Variants in PRRC2C observed in about 807,000 individuals in gnomAD.
PRRC2C encodes proline rich coiled-coil 2C, also known as protein PRRC2C.
PRRC2C carries 72 observed loss-of-function variants against 317.2 expected under a neutral mutation model. The ratio of observed to expected loss-of-function variants is 0.23; its 90% CI spans 0.19 to 0.28. The LOEUF (loss-of-function observed/expected upper bound fraction) is 0.28. PRRC2C is among the 10% of genes least tolerant of loss of function. The pLI is 1.00. For synonymous variants in PRRC2C, 1,296 were observed against 1,205.9 expected (o/e 1.07, Z -1.55); for missense variants, 3,074 against 3,459.7 (o/e 0.89, Z 2.80).
intron 29 of PRRC2C, 25 bp downstream of exon 29, chr1:171,584,212 C>T (rs1182165664): frequency 1.3e-6 from 2 of 1,549,060 alleles, no homozygotes; most frequent in East Asian, 2.2e-5. Flanking sequence ...TAGAGCAATG[C>T]ACCCTCATTG....
At chr1:171,526,803 A>ATTTTTTTTTTTTT (rs1557918055) in intron 10 of PRRC2C, among the ~76,000 whole-genome samples, 9 of 85,790 alleles carry the variant, frequency 1.0e-4, no homozygotes, top group African/African-American at 2.4e-4. Flanking sequence ...TCAGAAATAT[A>ATTTTTTTTTTTTT]TCTTTTTTTT....
intron 30 of PRRC2C, among the ~76,000 whole-genome samples, chr1:171,586,074 T>TTTTTTTG (rs1421421262): frequency 7.9e-6 from 1 of 125,822 alleles, no homozygotes; most frequent in Admixed American, 7.9e-5. Flanking sequence ...TTTTTTTTTT[T>TTTTTTTG]TTTTTTTTTT....
chr1:171,533,770 C>T (rs533360254), intron 12 of PRRC2C, among the ~76,000 whole-genome samples: 4 of 152,220 alleles, frequency 2.6e-5, no homozygotes, highest in East Asian at 3.9e-4. Flanking sequence ...GCTACAGGCG[C>T]GTGCCACCGC....
intron 29 of PRRC2C, 79 bp from the exon 30 acceptor site, chr1:171,584,340 C>T: frequency 7.1e-7 from 1 of 1,400,206 alleles, no homozygotes; most frequent in Non-Finnish European, 9.7e-7. Context: ...CTAGACATTG[C>T]TTTGAAGTCA....
chr1:171,485,933 G>C (rs1180780971), intron 1 of PRRC2C, among the ~76,000 whole-genome samples, 198 bp downstream of exon 1: 3 of 152,020 alleles, frequency 2.0e-5, no homozygotes, highest in Non-Finnish European at 4.4e-5. Context: ...TCGGCCTCCA[G>C]CTTGGGGAGC....
intron 1 of PRRC2C, among the ~76,000 whole-genome samples, chr1:171,489,881 A>C (rs962037800): frequency 6.6e-6 from 1 of 152,142 alleles, no homozygotes; most frequent in Non-Finnish European, 1.5e-5. Flanking sequence ...TTTTTCTTCA[A>C]TTCAACTTGC....
At chr1:171,511,031 T>C (rs1218199454) in intron 1 of PRRC2C, 1 of 152,204 alleles carries the variant, frequency 6.6e-6, no homozygotes. Context: ...AAACGAAATT[T>C]ATAAAAGTAA....
At chr1:171,490,197 G>A (rs34621946) in intron 1 of PRRC2C, among the ~76,000 whole-genome samples, 2,536 of 152,280 alleles carry the variant, frequency 0.017, 33 homozygotes, top group Non-Finnish European at 0.027. Context: ...GATTACAGGC[G>A]TGAGCCACTG....
At chr1:171,526,763 A>AATCTTATG (rs1291648089) in intron 10 of PRRC2C, among the ~76,000 whole-genome samples, 1 of 150,646 alleles carries the variant, frequency 6.6e-6, no homozygotes, top group Non-Finnish European at 1.5e-5. Context: ...GATGTTTAGC[A>AATCTTATG]ATCTTATGGT....
intron 30 of PRRC2C, among the ~76,000 whole-genome samples, chr1:171,585,645 A>G (rs1427234526): frequency 1.3e-5 from 2 of 152,192 alleles, no homozygotes; most frequent in Non-Finnish European, 2.9e-5. Context: ...ACTTGTGAAT[A>G]CTGCTTATAT....
At chr1:171,507,975 C>G (rs1670565931) in intron 1 of PRRC2C, among the ~76,000 whole-genome samples, 1 of 152,100 alleles carries the variant, frequency 6.6e-6, no homozygotes, top group Non-Finnish European at 1.5e-5. Context: ...AGAAATGCAA[C>G]TGATTTTTTG....
At position 171,541,619 on chromosome 1, in the gene PRRC2C, C is replaced by T. The variant is rs1252170964; in HGVS notation, c.4153C>T (p.Pro1385Ser). ...GTGGAACCCAAGGCAGTCAGAAGTT[C>T]CTAAACCAGAAGATGGAGAGCCGCC... ...NQWNPRQSEV[P>S]KPEDGEPPRR... The change falls in exon 16 of 35, where the codon CCT becomes TCT. Residue 1385 changes from proline to serine, a missense_variant. This residue lies in a region of PRRC2C where 1,320 missense variants were observed against 1,395.7 expected (regional missense o/e 0.95). Transcript: ENST00000647382. This position sits in a 1 kb window ranked among gnomAD's most constrained non-coding sequence, Gnocchi z 4.1. 3 of 1,613,682 alleles carry T rather than the reference C, an allele frequency of 1.9e-6. 1 individual carries two copies. The South Asian group carries it at 3.3e-5, about 18-fold the overall frequency.
At chr1:171,579,333 G>T (rs1362538505) in intron 26 of PRRC2C, 21 bp from the exon 27 acceptor site, 1 of 1,604,934 alleles carries the variant, frequency 6.2e-7, no homozygotes, top group African/African-American at 1.3e-5. Context: ...ACTACTGCTT[G>T]TTTATCCTGA....
In PRRC2C at chr1:171,540,293, G is replaced by C. The variant is rs956695493; in HGVS notation, c.2827G>C (p.Glu943Gln). 3 of 1,613,738 alleles carry C rather than the reference G, an allele frequency of 1.9e-6. No homozygotes were observed. The Admixed American group carries it at 5.0e-5, about 27-fold the overall frequency. The change falls in exon 16 of 35, where the codon GAA becomes CAA. Residue 943 changes from glutamate to glutamine, a missense_variant. Physicochemically the swap from Glu to Gln is conservative, Grantham distance 29. Around this residue, in one of 11 missense-constraint regions of PRRC2C, gnomAD observed 1,320 missense variants for 1,395.7 expected, o/e 0.95. Coordinates refer to ENST00000647382, the MANE Select transcript of PRRC2C (RefSeq NM_001387844.1). ...HTQKPDEQRS[E>Q]PSAGIPKVTS... ...GCAAAAACCAGACGAGCAGAGAAGT[G>C]AACCATCTGCAGGCATTCCTAAAGT... is the stretch of plus-strand genomic sequence containing the variant.
At chr1:171,538,157 A>G in intron 15 of PRRC2C, among the ~76,000 whole-genome samples, 1 of 151,966 alleles carries the variant, frequency 6.6e-6, no homozygotes, top group East Asian at 1.9e-4. Context: ...TGTATTTTTT[A>G]TAGAGATGGG....
intron 6 of PRRC2C, among the ~76,000 whole-genome samples, chr1:171,518,486 TTTTTTCAA>T (rs1672838436): frequency 2.4e-5 from 2 of 81,868 alleles, no homozygotes; most frequent in Admixed American, 3.0e-4. Flanking sequence ...TTTTTCAATT[TTTTTTCAA>T]TTTTTTTTTT....
intron 1 of PRRC2C, among the ~76,000 whole-genome samples, chr1:171,491,758 TATC>T (rs1258502596): frequency 3.9e-5 from 6 of 152,150 alleles, no homozygotes; most frequent in Admixed American, 1.3e-4. Flanking sequence ...CTATATTAAA[TATC>T]ATAGTTTATC....
chr1:171,591,455 G>T (rs1461423581), intron 34 of PRRC2C, 132 bp from the exon 35 acceptor site: 1 of 994,366 alleles, frequency 1.0e-6, no homozygotes, highest in Non-Finnish European at 1.5e-6. Context: ...GATCAATGAG[G>T]TACTTTTGGC....
chr1:171,544,290 A>G (rs903155134), intron 16 of PRRC2C, among the ~76,000 whole-genome samples: 2 of 152,014 alleles, frequency 1.3e-5, no homozygotes, highest in Admixed American at 1.3e-4. Context: ...TGCCCGGCTA[A>G]TTTTTGTATT....
Sources: gnomAD v4.1 joint callset for allele counts (sites outside exome capture counted in the v4.1 genomes callset) on GRCh38, gnomAD v4.1.1 for gene constraint, gnomAD v4.1.1 regional missense constraint, Gnocchi (gnomAD v3.1) non-coding constraint, MANE v1.5 for transcripts, NCBI Gene and HGNC (gene_info 2026-07-23, HGNC 2026-07-21) for gene names.